Variants in OR6J1 observed in about 807,000 individuals in gnomAD.
OR6J1 encodes the protein olfactory receptor family 6 subfamily J member 1.
For missense variants in OR6J1, 304 were observed against 166.8 expected (o/e 1.82, Z -4.53); for synonymous variants, 109 against 70.0 (o/e 1.56, Z -2.78).
chr14:22,631,052 T>A lies in OR6J1; in HGVS notation c.*2716A>T, dbSNP rs1049799700. On this transcript the variant is annotated 3_prime_UTR_variant, in exon 2 of 2. Coordinates refer to ENST00000540461, the MANE Select transcript of OR6J1 (RefSeq NM_001348233.2). The stretch of plus-strand genomic sequence containing the variant: ...TTCAAAAGGGGAGGGAGTGTACGAA[T>A]AGGTGTGGGTCACAGAGGTCACGTA... 9 of 152,094 alleles carry A rather than the reference T, an allele frequency of 5.9e-5. No individual in the cohort carries two copies. Among genetic ancestry groups the A allele is most frequent in the African/African-American group, 2.2e-4 (9 of 41,416 alleles). The allele number at this position is 152,094 out of a possible 1,614,324, so 9.4% of individuals were successfully genotyped here. A position where few individuals can be genotyped will look rare whatever the true frequency, so the allele number is the denominator to read the frequency against.
intron 1 of OR6J1, among the ~76,000 whole-genome samples, chr14:22,636,728 C>T (rs1258165919): frequency 8.6e-6 from 1 of 116,892 alleles, no homozygotes; most frequent in African/African-American, 4.8e-5. Context: ...CAGTGGTGCC[C>T]AGGCTGGAGT....
rs2037564803 is a variant in OR6J1 at position 22,633,960 on chromosome 14, G to T, written c.852C>A (p.Leu284=). 3 of 702,800 alleles carry T rather than the reference G, an allele frequency of 4.3e-6. No homozygotes were observed. Among genetic ancestry groups the T allele is most frequent in the African/African-American group, 3.5e-5 (2 of 57,242 alleles). The allele number at this position is 702,800 out of a possible 1,614,324, so 43.5% of individuals were successfully genotyped here. A position where few individuals can be genotyped will look rare whatever the true frequency, so the allele number is the denominator to read the frequency against. ...LVLSSVVTPF[L]NPFIYTLRND... ...TCCTCAGAGTATATATAAAGGGGTT[G>T]AGGAATGGAGTCACCACACTGCTCA... The change falls in exon 2 of 2, where the codon CTC becomes CTA. Residue 284 remains leucine (L), a synonymous_variant. Coordinates refer to ENST00000540461, the MANE Select transcript of OR6J1 (RefSeq NM_001348233.2).
chr14:22,643,851 A>G (rs772818600), intron 1 of OR6J1, among the ~76,000 whole-genome samples: 1 of 152,104 alleles, frequency 6.6e-6, no homozygotes, highest in African/African-American at 2.4e-5. Flanking sequence ...CTAGAAGAAT[A>G]GTATGGAGGA....
rs1356251348 is a variant in OR6J1 at position 22,633,671 on chromosome 14, G to A, written c.*97C>T. 8.4e-6 allele frequency: 5 copies of A among 598,750 alleles called. No individual in the cohort carries two copies. Among genetic ancestry groups the A allele is most frequent in the African/African-American group, 7.4e-5 (4 of 53,810 alleles). The allele number at this position is 598,750 out of a possible 1,614,324, so 37.1% of individuals were successfully genotyped here. A position where few individuals can be genotyped will look rare whatever the true frequency, so the allele number is the denominator to read the frequency against. ...CAGATTAAAGTGAAAACCAAGGCCA[G>A]CGTTCAAGTCTCTGTCTCCGCAGTC... is the stretch of plus-strand genomic sequence containing the variant. On this transcript the variant is annotated 3_prime_UTR_variant, in exon 2 of 2. Transcript: ENST00000540461.
chr14:22,643,260 G>A (rs1025080220), intron 1 of OR6J1, among the ~76,000 whole-genome samples: 1 of 150,640 alleles, frequency 6.6e-6, no homozygotes. Context: ...GAGCCACCGT[G>A]CCTAGCCTAA....
rs1360056402 is a variant in OR6J1, at chr14:22,638,759, A to C, written c.-27-3921T>G. ...AAAAATATGACAATAACAAGTGTTG[A>C]CGAGGATGTGGAGACTTAAAAAATT... On this transcript the variant is annotated intron_variant, in intron 1 of 1. Coordinates refer to ENST00000540461, the MANE Select transcript of OR6J1 (RefSeq NM_001348233.2). Among the ~76,000 whole-genome samples the C allele has an allele frequency of 3.3e-5, 5 of 152,220 alleles. 2 individuals carry two copies. Among genetic ancestry groups the C allele is most frequent in the African/African-American group, 4.8e-5 (2 of 41,446 alleles).
intron 1 of OR6J1, among the ~76,000 whole-genome samples, chr14:22,642,216 C>A (rs1433123146): frequency 6.6e-6 from 1 of 151,298 alleles, no homozygotes; most frequent in African/African-American, 2.4e-5. Flanking sequence ...TGATATATAA[C>A]TCAAGTACCA....
rs71421135 is a variant in OR6J1, at chr14:22,642,312, A to AATATATATATATAT, written c.-28+1772_-28+1785dup. The stretch of plus-strand genomic sequence containing the variant: ...TGTCCATCACCACAATCAACTTAAG[A>AATATATATATATAT]ATATATATATATATATATATATATA... On this transcript the variant is annotated intron_variant, in intron 1 of 1. Coordinates refer to ENST00000540461, the MANE Select transcript of OR6J1 (RefSeq NM_001348233.2). Among the ~76,000 whole-genome samples the AATATATATATATAT allele has an allele frequency of 7.7e-3, 837 of 108,808 alleles. 26 individuals carry two copies. The highest frequency in any genetic ancestry group is 0.014 in the African/African-American group (350 of 24,314). 71.4% of individuals were successfully genotyped at this position (108,808 alleles called of 152,430 possible). A position where few individuals can be genotyped will look rare whatever the true frequency, so the allele number is the denominator to read the frequency against.
chr14:22,641,438 TGAAAGAGAGAGAAAGAAAGAAAG>T (rs2037650280), intron 1 of OR6J1, among the ~76,000 whole-genome samples: 1 of 17,022 alleles, frequency 5.9e-5, no homozygotes, highest in East Asian at 2.1e-3. Context: ...AAAGAAAGAA[TGAAAGAGAGAGAAAGAAAGAAAG>T]AAAGAAAAAG....
In OR6J1 at chr14:22,634,372, G is replaced by C. The variant is rs1451301162; in HGVS notation, c.440C>G (p.Ser147Cys). 5.7e-6 allele frequency: 4 copies of C among 703,258 alleles called. No individual in the cohort carries two copies. The highest frequency in any genetic ancestry group is 1.0e-5 in the Non-Finnish European group (4 of 384,990). 43.6% of individuals were successfully genotyped at this position (703,258 alleles called of 1,614,324 possible). ...CACAGACAGGAAGCCTCCCACCCAAGAGAATACAACGGTCCCAATGCAGAC... is the reference window on the plus strand; with the variant it reads ...CACAGACAGGAAGCCTCCCACCCAACAGAATACAACGGTCCCAATGCAGAC... ...PSVCIGTVVF[S>C]WVGGFLSVLF... The change falls in exon 2 of 2, where the codon TCT becomes TGT. Residue 147 changes from serine (S) to cysteine (C), a missense_variant. Physicochemically the swap from Ser to Cys is moderately radical, Grantham distance 112. Coordinates refer to ENST00000540461, the MANE Select transcript of OR6J1 (RefSeq NM_001348233.2).
At position 22,632,761 on chromosome 14, in the gene OR6J1, A is replaced by T. The variant is rs2037555116; in HGVS notation, c.*1007T>A. 6.6e-6 allele frequency: 1 copy of T among 152,214 alleles called. No homozygotes were observed. The highest frequency in any genetic ancestry group is 1.5e-5 in the Non-Finnish European group (1 of 68,058). 9.4% of individuals were successfully genotyped at this position (152,214 alleles called of 1,614,324 possible). A position where few individuals can be genotyped will look rare whatever the true frequency, so the allele number is the denominator to read the frequency against. Reference sequence around the variant, plus strand: ...AAAACACATCAAATCCAGGAATAGGAATCAAAATTCTACCAGCTCCAGCCC... The same window carrying T: ...AAAACACATCAAATCCAGGAATAGGTATCAAAATTCTACCAGCTCCAGCCC... On this transcript the variant is annotated 3_prime_UTR_variant, in exon 2 of 2. Transcript: ENST00000540461.
At chr14:22,641,662 A>C in intron 1 of OR6J1, among the ~76,000 whole-genome samples, 1 of 152,210 alleles carries the variant, frequency 6.6e-6, no homozygotes, top group East Asian at 1.9e-4. Context: ...ATTGAGTGCC[A>C]ACTATGTTGT....
At chr14:22,641,210 TAAG>T (rs1305587347) in intron 1 of OR6J1, among the ~76,000 whole-genome samples, 5,891 of 122,174 alleles carry the variant, frequency 0.048, 525 homozygotes, top group African/African-American at 0.093. Context: ...GAGAGAAAGA[TAAG>T]AAAGAAAGAA....
rs1233040614 is a variant in OR6J1, at chr14:22,631,645, T to C, written c.*2123A>G. The stretch of plus-strand genomic sequence containing the variant: ...ATTATCACATGGTCCTGAGGTGACA[T>C]ACATCTTCCTCAGCTGACAGGATTA... On this transcript the variant is annotated 3_prime_UTR_variant, in exon 2 of 2. Coordinates refer to ENST00000540461, the MANE Select transcript of OR6J1 (RefSeq NM_001348233.2). The C allele has an allele frequency of 6.6e-6, 1 of 152,248 alleles. No individual in the cohort carries two copies. Among genetic ancestry groups the C allele is most frequent in the Non-Finnish European group, 1.5e-5 (1 of 68,056 alleles). The allele number at this position is 152,248 out of a possible 1,614,324, so 9.4% of individuals were successfully genotyped here.
At position 22,637,292 on chromosome 14, in the gene OR6J1, GC is replaced by G. The variant is rs1269987577; in HGVS notation, c.-27-2455del. On this transcript the variant is annotated intron_variant, in intron 1 of 1. Coordinates refer to ENST00000540461, the MANE Select transcript of OR6J1 (RefSeq NM_001348233.2). ...TCCGGGAGGGAGGTGGGGGGGGTCA[GC>G]CCCCCGCCCGGCCAGCTGCCCCATC... is the stretch of plus-strand genomic sequence containing the variant. 1.3e-4 allele frequency among the ~76,000 whole-genome samples: 8 copies of G among 61,020 alleles called. No individual in the cohort carries two copies. In the South Asian group the frequency reaches 3.1e-3, roughly 23 times the overall value. 40.0% of individuals were successfully genotyped at this position (61,020 alleles called of 152,430 possible). A position where few individuals can be genotyped will look rare whatever the true frequency, so the allele number is the denominator to read the frequency against.
chr14:22,641,287 GAAGA>G (rs1350035755), intron 1 of OR6J1, among the ~76,000 whole-genome samples: 3 of 64,036 alleles, frequency 4.7e-5, no homozygotes, highest in Admixed American at 1.5e-4. Context: ...GGAAGAAAGA[GAAGA>G]AAGAGAGACA....
chr14:22,635,210 A>G (rs1310587251), intron 1 of OR6J1, among the ~76,000 whole-genome samples: 1 of 152,242 alleles, frequency 6.6e-6, no homozygotes, highest in Non-Finnish European at 1.5e-5. Flanking sequence ...AATATTCACC[A>G]CAGAATTTTT....
intron 1 of OR6J1, among the ~76,000 whole-genome samples, chr14:22,635,230 G>A (rs1370811038): frequency 6.6e-6 from 1 of 152,090 alleles, no homozygotes; most frequent in Non-Finnish European, 1.5e-5. Flanking sequence ...TTACAATAAT[G>A]AAAATTTGGC....
chr14:22,638,477 C>T (rs1209137930), intron 1 of OR6J1, among the ~76,000 whole-genome samples: 2 of 87,052 alleles, frequency 2.3e-5, no homozygotes, highest in East Asian at 4.8e-4. Context: ...GAGTCATCAC[C>T]ACTCCCTAAT....
Sources: allele counts gnomAD v4.1 joint callset (sites outside exome capture counted in the v4.1 genomes callset), GRCh38; gene constraint gnomAD v4.1.1; transcripts MANE v1.5; gene names NCBI Gene and HGNC (gene_info 2026-07-23, HGNC 2026-07-21).